The following UNC13C variants were observed in gnomAD, a reference collection of about 807,000 sequenced individuals.
UNC13C encodes the protein protein unc-13 homolog C.
Under a neutral mutation model 245.4 loss-of-function variants are expected in UNC13C, and 174 were observed. The ratio of observed to expected loss-of-function variants is 0.71; its 90% CI spans 0.63 to 0.80. The LOEUF is 0.80. Ranked by LOEUF, UNC13C falls within the 30% of genes least tolerant of loss-of-function variation. The pLI, the probability that UNC13C is intolerant of heterozygous loss-of-function variation, is 0.00. For missense variants in UNC13C, 2,829 were observed against 2,602.9 expected (o/e 1.09, Z -1.89); for synonymous variants, 992 against 895.1 (o/e 1.11, Z -1.93).
intron 18 of UNC13C, among the ~76,000 whole-genome samples, chr15:54,409,454 G>A (rs2040373506): frequency 6.6e-6 from 1 of 152,124 alleles, no homozygotes; most frequent in African/African-American, 2.4e-5. Flanking sequence ...ATGGGGGTTT[G>A]ATATACAAAT....
chr15:54,451,946 T>C (rs937605292), intron 19 of UNC13C, among the ~76,000 whole-genome samples: 2 of 152,226 alleles, frequency 1.3e-5, no homozygotes, highest in Admixed American at 1.3e-4. Flanking sequence ...TGTGTATCTG[T>C]GATTTTGGTT....
At chr15:53,840,098 A>C in the UNC13C span, among the ~76,000 whole-genome samples, 1 of 152,156 alleles carries the variant, frequency 6.6e-6, no homozygotes, top group African/African-American at 2.4e-5. Flanking sequence ...CTTTACAGTT[A>C]GGTGTCTCTG....
At chr15:54,089,100 T>G (rs1899415643) in intron 2 of UNC13C, among the ~76,000 whole-genome samples, 1 of 152,214 alleles carries the variant, frequency 6.6e-6, no homozygotes. Flanking sequence ...TCTGCCTCTT[T>G]CATGCCTCCT....
chr15:54,055,427 C>G (rs1395657009), intron 2 of UNC13C, among the ~76,000 whole-genome samples: 1 of 152,110 alleles, frequency 6.6e-6, no homozygotes, highest in African/African-American at 2.4e-5. Context: ...TCTTGAGATT[C>G]TATTTTTTAT....
At chr15:54,538,133 C>CAAAA (rs56041311) in intron 26 of UNC13C, among the ~76,000 whole-genome samples, 22 of 10,248 alleles carry the variant, frequency 2.1e-3, no homozygotes, top group Non-Finnish European at 3.7e-3. Context: ...CATTAACAAG[C>CAAAA]AAAAAAAAAA....
chr15:54,507,121 T>C lies in UNC13C; in HGVS notation c.5306T>C (p.Ile1769Thr), dbSNP rs1280706389. ...SHLMRRFAKT[I>T]NKVLLQYAAI... is the part of the protein sequence containing the mutation. ...TCACAATGTTTTCTTTCTTAGACTA[T>C]CAATAAAGTGCTGCTCCAGTATGCT... Residue 1769 changes from isoleucine (I) to threonine (T), a missense_variant, in exon 23 of 33, where the codon ATC becomes ACC. Coordinates refer to ENST00000260323, the MANE Select transcript of UNC13C (RefSeq NM_001080534.3). The C allele has an allele frequency of 6.3e-7, 1 of 1,592,698 alleles. No homozygotes were observed. Among genetic ancestry groups the C allele is most frequent in the African/African-American group, 1.3e-5 (1 of 74,808 alleles).
At chr15:54,110,986 G>A (rs1900740946) in intron 2 of UNC13C, among the ~76,000 whole-genome samples, 2 of 152,166 alleles carry the variant, frequency 1.3e-5, no homozygotes, top group Non-Finnish European at 2.9e-5. Context: ...CCAAAAGTTA[G>A]CCCCATACCA....
At chr15:54,342,079 A>G (rs2141010891) in intron 17 of UNC13C, among the ~76,000 whole-genome samples, 1 of 152,074 alleles carries the variant, frequency 6.6e-6, no homozygotes, top group South Asian at 2.1e-4. Flanking sequence ...GGTGTGTTTG[A>G]ACGTATTTTC....
chr15:54,100,763 CT>C (rs1265203857), intron 2 of UNC13C, among the ~76,000 whole-genome samples: 3 of 151,272 alleles, frequency 2.0e-5, no homozygotes, highest in Non-Finnish European at 4.4e-5. Flanking sequence ...ACCTTTCTTT[CT>C]ACCTGCTCCA....
chr15:53,972,942 A>T, the UNC13C span, among the ~76,000 whole-genome samples: 1 of 152,148 alleles, frequency 6.6e-6, no homozygotes, highest in African/African-American at 2.4e-5. Context: ...GCATGGAAAA[A>T]TGTCTAATGT....
intron 27 of UNC13C, among the ~76,000 whole-genome samples, chr15:54,547,651 C>A (rs62022202): frequency 6.6e-6 from 1 of 152,062 alleles, no homozygotes; most frequent in East Asian, 1.9e-4. Context: ...TAAAGTGTTC[C>A]GAGATGCAAA....
intron 17 of UNC13C, among the ~76,000 whole-genome samples, chr15:54,355,235 C>T (rs999679180): frequency 1.3e-5 from 2 of 152,168 alleles, no homozygotes; most frequent in Admixed American, 1.3e-4. Flanking sequence ...AAACTTAAAA[C>T]TTTACTTATG....
rs2030287508 is a variant in UNC13C at position 54,116,904 on chromosome 15, T to G, written c.2984-26114T>G. On this transcript the variant is annotated intron_variant, in intron 2 of 32. Transcript: ENST00000260323. ...CATTCTTACCAGCAGTGTATGATGG[T>G]TCCCCTTTCTCCATATCCTTGCCAG... Among the ~76,000 whole-genome samples, 3 of 152,178 alleles carry G rather than the reference T, an allele frequency of 2.0e-5. No homozygotes were observed. In the South Asian group the frequency reaches 6.2e-4, roughly 32 times the overall value.
At chr15:54,630,822 T>G (rs1566951342), downstream of UNC13C, 1 of 152,048 alleles carries the variant, frequency 6.6e-6, no homozygotes, top group African/African-American at 2.4e-5. Flanking sequence ...TTTGCGAATG[T>G]TAAATAATAT....
At chr15:53,876,456 T>G in the UNC13C span, among the ~76,000 whole-genome samples, 1 of 152,196 alleles carries the variant, frequency 6.6e-6, no homozygotes, top group African/African-American at 2.4e-5. Context: ...AGGCTCCATG[T>G]TATCTACCAT....
chr15:53,967,384 C>G, the UNC13C span, among the ~76,000 whole-genome samples: 3 of 150,956 alleles, frequency 2.0e-5, no homozygotes, highest in Non-Finnish European at 4.4e-5. Context: ...GAAGTATGTA[C>G]CTGCTGTTCT....
chr15:54,258,251 T>G (rs928695110), intron 8 of UNC13C, among the ~76,000 whole-genome samples: 10 of 152,194 alleles, frequency 6.6e-5, no homozygotes, highest in Non-Finnish European at 1.3e-4. Flanking sequence ...ATCTAGCAAA[T>G]AGATATAGAG....
chr15:53,884,962 G>C, the UNC13C span, among the ~76,000 whole-genome samples: 7 of 152,202 alleles, frequency 4.6e-5, no homozygotes, highest in Non-Finnish European at 7.3e-5. Context: ...GGATTTTACA[G>C]AACAGTGAAA....
chr15:54,587,910 T>A (rs1323148351), intron 30 of UNC13C, among the ~76,000 whole-genome samples: 1 of 152,232 alleles, frequency 6.6e-6, no homozygotes, highest in South Asian at 2.1e-4. Context: ...GAGTCATATT[T>A]TTAAGAAATA....
Sources: allele counts gnomAD v4.1 joint callset (sites outside exome capture counted in the v4.1 genomes callset), GRCh38; gene constraint gnomAD v4.1.1; transcripts MANE v1.5; gene names NCBI Gene and HGNC (gene_info 2026-07-23, HGNC 2026-07-21).